Variants in TOM1L2 observed in about 807,000 individuals in gnomAD.
TOM1L2 encodes target of myb1 like 2 membrane trafficking protein.
A neutral mutation model predicts 67.9 loss-of-function variants in TOM1L2; 31 were observed. That is an observed-to-expected ratio of 0.46 (90% CI 0.34 to 0.62). The LOEUF is 0.62. Among genes scored for constraint, TOM1L2 ranks in the 20% least tolerant of loss-of-function variants. TOM1L2 has a pLI of 0.01. For synonymous variants in TOM1L2, 256 were observed against 254.0 expected (o/e 1.01, Z -0.07); for missense variants, 606 against 663.5 (o/e 0.91, Z 0.95).
chr17:17,921,852 G>C (rs1393770728), intron 1 of TOM1L2, among the ~76,000 whole-genome samples: 1 of 151,764 alleles, frequency 6.6e-6, no homozygotes, highest in Admixed American at 6.6e-5. Flanking sequence ...CCTCCCAGGG[G>C]CTGTTCCCCT....
chr17:17,972,394 G>T lies in TOM1L2; in HGVS notation c.-81C>A. 2.0e-6 allele frequency: 3 copies of T among 1,528,892 alleles called. No individual in the cohort carries two copies. Among genetic ancestry groups the T allele is most frequent in the African/African-American group, 1.4e-5 (1 of 72,534 alleles). 94.7% of individuals were successfully genotyped at this position (1,528,892 alleles called of 1,614,324 possible). ...CTGTAACCCGCCGGACTCCCGTCCT[G>T]ACTGACACTTGCCCCCTCCCCACTC... On this transcript the variant is annotated 5_prime_UTR_variant, in exon 1 of 15. Transcript: ENST00000379504.
At chr17:17,907,042 A>T (rs573663196) in intron 2 of TOM1L2, among the ~76,000 whole-genome samples, 1 of 152,176 alleles carries the variant, frequency 6.6e-6, no homozygotes, top group African/African-American at 2.4e-5. Context: ...ACCTCCCTCC[A>T]TGGACACGGT....
intron 1 of TOM1L2, among the ~76,000 whole-genome samples, chr17:17,967,113 C>A (rs1211465191): frequency 6.6e-6 from 1 of 152,168 alleles, no homozygotes; most frequent in East Asian, 1.9e-4. Context: ...ATACACATAG[C>A]AATCTGAGGG....
chr17:17,852,192 T>G (rs1021377540), intron 12 of TOM1L2, among the ~76,000 whole-genome samples: 2 of 152,132 alleles, frequency 1.3e-5, no homozygotes, highest in Non-Finnish European at 2.9e-5. Flanking sequence ...GTAAAAGGAA[T>G]GCATACCCCA....
chr17:17,843,844 G>A lies in TOM1L2; in HGVS notation c.*3791C>T, dbSNP rs553880485. On this transcript the variant is annotated 3_prime_UTR_variant, in exon 15 of 15. Transcript: ENST00000379504. ...AGCCTGGAGGTATGGACAGACAGAAGCAGTTCTGACTCGGGGGCTGATGGC... is the reference window on the plus strand; with the variant it reads ...AGCCTGGAGGTATGGACAGACAGAAACAGTTCTGACTCGGGGGCTGATGGC... 2 of 152,556 alleles carry A rather than the reference G, an allele frequency of 1.3e-5. No homozygotes were observed. The highest frequency in any genetic ancestry group is 3.9e-4 in the East Asian group (2 of 5,184). 9.5% of individuals were successfully genotyped at this position (152,556 alleles called of 1,614,324 possible). A position where few individuals can be genotyped will look rare whatever the true frequency, so the allele number is the denominator to read the frequency against.
At chr17:17,909,047 G>A (rs2039223348) in intron 1 of TOM1L2, among the ~76,000 whole-genome samples, 2 of 152,140 alleles carry the variant, frequency 1.3e-5, no homozygotes, top group Admixed American at 1.3e-4. Flanking sequence ...CAGGTGTGGT[G>A]GTGGGCACCT....
intron 14 of TOM1L2, 29 bp from the exon 15 acceptor site, chr17:17,847,812 G>A (rs758651903): frequency 5.0e-6 from 8 of 1,613,354 alleles, no homozygotes; most frequent in Non-Finnish European, 6.8e-6. Context: ...CAAGGGTCAG[G>A]GTTGGTGAGG....
At chr17:17,872,391 G>A (rs1393903667) in intron 7 of TOM1L2, among the ~76,000 whole-genome samples, 1 of 152,210 alleles carries the variant, frequency 6.6e-6, no homozygotes, top group East Asian at 1.9e-4. Context: ...TGACAGAGGA[G>A]CACAGATTTA....
intron 2 of TOM1L2, among the ~76,000 whole-genome samples, chr17:17,907,157 T>C (rs111681206): frequency 3.3e-5 from 5 of 152,328 alleles, no homozygotes; most frequent in African/African-American, 1.2e-4. Context: ...CTGCAGAGAC[T>C]AATGGCCACT....
intron 1 of TOM1L2, among the ~76,000 whole-genome samples, chr17:17,955,164 C>A (rs2041376283): frequency 6.6e-6 from 1 of 152,026 alleles, no homozygotes; most frequent in African/African-American, 2.4e-5. Context: ...GTGACACCAA[C>A]AATTATAGAA....
intron 1 of TOM1L2, among the ~76,000 whole-genome samples, chr17:17,910,867 C>T (rs2039316681): frequency 1.3e-5 from 2 of 152,208 alleles, no homozygotes; most frequent in Non-Finnish European, 1.5e-5. Context: ...CTGTGCCCAG[C>T]CCCAACACTC....
intron 1 of TOM1L2, among the ~76,000 whole-genome samples, chr17:17,909,891 T>C (rs960545402): frequency 1.3e-5 from 2 of 152,112 alleles, no homozygotes; most frequent in African/African-American, 2.4e-5. Context: ...TAGCTGGGCA[T>C]AGTGGCTTGT....
At chr17:17,943,330 G>A (rs975300859) in intron 1 of TOM1L2, among the ~76,000 whole-genome samples, 1 of 152,118 alleles carries the variant, frequency 6.6e-6, no homozygotes, top group Non-Finnish European at 1.5e-5. Flanking sequence ...CTGCTAATTA[G>A]AGCTAGGGAG....
rs773493334 is a variant in TOM1L2, at chr17:17,879,713, C to T, written c.691G>A (p.Val231Ile). 10 of 1,614,188 alleles carry T rather than the reference C, an allele frequency of 6.2e-6. No individual in the cohort carries two copies. The highest frequency in any genetic ancestry group is 8.5e-6 in the Non-Finnish European group (10 of 1,180,030). The part of the protein sequence containing the change: ...IARLRSELDV[V>I]RGNTKVMSEM... ...GACATGACTTTTGTGTTTCCTCGAA[C>T]GACGTCCAGTTCACTCCGCAGCCTG... Residue 231 changes from valine to isoleucine, a missense_variant, in exon 7 of 15, where the codon GTT becomes ATT. Physicochemically the swap from Val to Ile is conservative, Grantham distance 29. Around this residue, in one of 2 missense-constraint regions of TOM1L2, gnomAD observed 543 missense variants for 554.0 expected, o/e 0.98. Transcript: ENST00000379504.
Position 17,972,389 on chromosome 17 carries a change from G to C in TOM1L2, c.-76C>G. ...CTCCGCTGTAACCCGCCGGACTCCC[G>C]TCCTGACTGACACTTGCCCCCTCCC... On this transcript the variant is annotated 5_prime_UTR_variant, in exon 1 of 15. Coordinates refer to ENST00000379504, the MANE Select transcript of TOM1L2 (RefSeq NM_001082968.2). 6.5e-6 allele frequency: 10 copies of C among 1,535,630 alleles called. No individual in the cohort carries two copies. Among genetic ancestry groups the C allele is most frequent in the Non-Finnish European group, 8.8e-6 (10 of 1,135,910 alleles).
At chr17:17,848,169 T>G (rs2035755973) in intron 14 of TOM1L2, among the ~76,000 whole-genome samples, 1 of 152,068 alleles carries the variant, frequency 6.6e-6, no homozygotes, top group Admixed American at 6.5e-5. Context: ...AATGGAGGAC[T>G]GAGGAGATGC....
At chr17:17,949,314 G>A (rs1019485205) in intron 1 of TOM1L2, among the ~76,000 whole-genome samples, 5 of 152,184 alleles carry the variant, frequency 3.3e-5, no homozygotes, top group Non-Finnish European at 7.3e-5. Context: ...TAGCACGGCA[G>A]AGCATAGAGC....
intron 12 of TOM1L2, among the ~76,000 whole-genome samples, chr17:17,851,797 A>T (rs2035994210): frequency 6.6e-6 from 1 of 152,330 alleles, no homozygotes; most frequent in East Asian, 1.9e-4. Context: ...GGGGCGCAGC[A>T]GCCAGAGCCA....
At chr17:17,865,657 G>A (rs1355573324) in intron 10 of TOM1L2, among the ~76,000 whole-genome samples, 9 of 151,044 alleles carry the variant, frequency 6.0e-5, no homozygotes, top group Non-Finnish European at 8.8e-5. Context: ...GGGATTACGC[G>A]CCCGGCCTTG....
Sources: allele counts gnomAD v4.1 joint callset (sites outside exome capture counted in the v4.1 genomes callset), GRCh38; gene constraint gnomAD v4.1.1; regional missense constraint gnomAD v4.1.1; transcripts MANE v1.5; gene names NCBI Gene and HGNC (gene_info 2026-07-23, HGNC 2026-07-21).